Variants in GRIK1 observed in about 807,000 individuals in gnomAD.
GRIK1 encodes the protein glutamate ionotropic receptor kainate type subunit 1, also known as glutamate receptor ionotropic, kainate 1.
A neutral mutation model predicts 105.7 loss-of-function variants in GRIK1; 69 were observed. The ratio of observed to expected loss-of-function variants is 0.65; its 90% CI spans 0.54 to 0.80. The LOEUF is 0.80. GRIK1 is among the 30% of genes least tolerant of loss of function. GRIK1 has a pLI of 0.00. For missense variants in GRIK1, 1,109 were observed against 1,167.3 expected (o/e 0.95, Z 0.73); for synonymous variants, 438 against 431.3 (o/e 1.02, Z -0.19).
At chr21:29,711,521 A>G (rs576354735) in intron 1 of GRIK1, among the ~76,000 whole-genome samples, 1 of 152,146 alleles carries the variant, frequency 6.6e-6, no homozygotes, top group South Asian at 2.1e-4. Context: ...CCCTTACAAT[A>G]GACACCAAGG....
intron 14 of GRIK1, among the ~76,000 whole-genome samples, chr21:29,562,667 G>A (rs1675131078): frequency 6.6e-6 from 1 of 150,882 alleles, no homozygotes; most frequent in East Asian, 1.9e-4. Flanking sequence ...AAAAAAAAAA[G>A]AAGAAAAATC....
rs75377870 is a variant in GRIK1, at chr21:29,626,571, G to A, written c.1098+16255C>T. 4.3e-3 allele frequency among the ~76,000 whole-genome samples: 651 copies of A among 152,188 alleles called. 3 individuals are homozygous for A. Among genetic ancestry groups the A allele is most frequent in the African/African-American group, 0.015 (612 of 41,512 alleles). ...CAAACTTGGTGACACCTTGATGCTGGGCTTCCAGCATCACTTCTCCTTTTA... is the reference window on the plus strand; with the variant it reads ...CAAACTTGGTGACACCTTGATGCTGAGCTTCCAGCATCACTTCTCCTTTTA... On this transcript the variant is annotated intron_variant, in intron 7 of 17. Transcript: ENST00000327783.
intron 5 of GRIK1, among the ~76,000 whole-genome samples, chr21:29,654,408 T>G (rs1205556555): frequency 6.6e-6 from 1 of 152,214 alleles, no homozygotes; most frequent in Non-Finnish European, 1.5e-5. Context: ...CTAACCCAGC[T>G]ATCTACTGGA....
intron 1 of GRIK1, among the ~76,000 whole-genome samples, chr21:29,909,596 A>G (rs1342981111): frequency 6.6e-6 from 1 of 152,194 alleles, no homozygotes; most frequent in Non-Finnish European, 1.5e-5. Context: ...ATTCAAACTA[A>G]AATAGCTTTC....
chr21:29,752,727 C>A (rs1478298882), intron 1 of GRIK1, among the ~76,000 whole-genome samples: 3 of 152,240 alleles, frequency 2.0e-5, no homozygotes, highest in African/African-American at 7.2e-5. Flanking sequence ...GTGCCAACTT[C>A]TTGGGAGGCC....
intron 1 of GRIK1, among the ~76,000 whole-genome samples, chr21:29,895,711 A>G (rs1225236326): frequency 2.6e-5 from 4 of 152,176 alleles, no homozygotes; most frequent in Non-Finnish European, 4.4e-5. Flanking sequence ...CCTTTAATAC[A>G]TGCAGGACAG....
At chr21:29,771,150 C>A (rs917434435) in intron 1 of GRIK1, among the ~76,000 whole-genome samples, 5 of 152,100 alleles carry the variant, frequency 3.3e-5, no homozygotes, top group African/African-American at 9.7e-5. Flanking sequence ...AAATCCAGTA[C>A]CCATAGTGAC....
intron 1 of GRIK1, among the ~76,000 whole-genome samples, chr21:29,845,421 C>G (rs977415618): frequency 6.6e-6 from 1 of 152,108 alleles, no homozygotes; most frequent in Non-Finnish European, 1.5e-5. Flanking sequence ...GCCTGTCTGT[C>G]ATGTTTCTGT....
rs780546010 is a variant in GRIK1, at chr21:29,596,581, A to G, written c.1207-11T>C. The G allele has an allele frequency of 3.1e-6, 5 of 1,599,400 alleles. No individual in the cohort carries two copies. The highest frequency in any genetic ancestry group is 1.1e-5 in the South Asian group (1 of 90,770). On this transcript the variant is annotated splice_polypyrimidine_tract_variant and intron_variant, in intron 8 of 17. Coordinates refer to ENST00000327783, the MANE Select transcript of GRIK1 (RefSeq NM_001330994.2). ...CACTTCGCCAGCAGCCTTGGTTTTC[A>G]GAGAGAAAAATAAAATAAAAACAGC... is the stretch of plus-strand genomic sequence containing the variant.
intron 4 of GRIK1, 98 bp downstream of exon 4, chr21:29,672,885 G>A (rs2063185653): frequency 1.2e-6 from 1 of 855,624 alleles, no homozygotes; most frequent in South Asian, 1.7e-5. Context: ...GACTGCTGCA[G>A]TTTTATTATG....
chr21:29,800,197 T>G (rs925475212), intron 1 of GRIK1, among the ~76,000 whole-genome samples: 1 of 152,208 alleles, frequency 6.6e-6, no homozygotes, highest in African/African-American at 2.4e-5. Context: ...AAAGCCTACA[T>G]AGCCCAAAGC....
intron 1 of GRIK1, among the ~76,000 whole-genome samples, chr21:29,881,223 C>T (rs2069395491): frequency 6.6e-6 from 1 of 152,024 alleles, no homozygotes; most frequent in African/African-American, 2.4e-5. Flanking sequence ...CCTTATTTCT[C>T]CTGTAATTTA....
At chr21:29,673,334 C>T (rs531817159) in intron 3 of GRIK1, among the ~76,000 whole-genome samples, 170 bp from the exon 4 acceptor site, 207 of 152,266 alleles carry the variant, frequency 1.4e-3, no homozygotes, top group African/African-American at 4.7e-3. Flanking sequence ...GTGGATTATA[C>T]CATTTTCCCT....
At chr21:29,656,354 C>CAAAAAA (rs3054331) in intron 4 of GRIK1, among the ~76,000 whole-genome samples, 758 of 51,016 alleles carry the variant, frequency 0.015, 101 homozygotes, top group East Asian at 0.045. Context: ...GAGCGAGACT[C>CAAAAAA]AAAAAAAAAA....
intron 1 of GRIK1, among the ~76,000 whole-genome samples, chr21:29,778,752 A>G (rs1393741138): frequency 6.6e-6 from 1 of 152,150 alleles, no homozygotes; most frequent in African/African-American, 2.4e-5. Context: ...GTGGGTGAAT[A>G]AGTTATTCTG....
At chr21:29,843,239 G>A (rs1158077372) in intron 1 of GRIK1, among the ~76,000 whole-genome samples, 2 of 152,190 alleles carry the variant, frequency 1.3e-5, no homozygotes, top group Admixed American at 6.5e-5. Flanking sequence ...GACTATTGCA[G>A]TGCAAGACAG....
intron 1 of GRIK1, among the ~76,000 whole-genome samples, chr21:29,810,167 G>A (rs2066973218): frequency 6.6e-6 from 1 of 151,868 alleles, no homozygotes; most frequent in Non-Finnish European, 1.5e-5. Flanking sequence ...CATGGCAGCG[G>A]GCACCTGGAA....
Position 29,537,889 on chromosome 21 carries a change from T to TAAAA in GRIK1, c.2608-9_2608-6dup. On this transcript the variant is annotated splice_polypyrimidine_tract_variant and splice_region_variant and intron_variant, in intron 16 of 17. Coordinates refer to ENST00000327783, the MANE Select transcript of GRIK1 (RefSeq NM_001330994.2). ...AATTCTTGATGACTTTCCTTTCTGA[T>TAAAA]AAAAAAAAAAGAAAAAAAAACAATT... 9.7e-7 allele frequency: 1 copy of TAAAA among 1,029,842 alleles called. No homozygotes were observed. Among genetic ancestry groups the TAAAA allele is most frequent in the African/African-American group, 1.7e-5 (1 of 57,300 alleles). The allele number at this position is 1,029,842 out of a possible 1,614,324, so 63.8% of individuals were successfully genotyped here.
chr21:29,715,219 C>T (rs2064151694), intron 1 of GRIK1, among the ~76,000 whole-genome samples: 1 of 152,202 alleles, frequency 6.6e-6, no homozygotes, highest in East Asian at 1.9e-4. Context: ...CAATTGCCCT[C>T]AACTTCATAG....
Sources: gnomAD v4.1 joint callset for allele counts (sites outside exome capture counted in the v4.1 genomes callset) on GRCh38, gnomAD v4.1.1 for gene constraint, MANE v1.5 for transcripts, NCBI Gene and HGNC (gene_info 2026-07-23, HGNC 2026-07-21) for gene names.